The following SELENOO variants were observed in gnomAD, a reference collection of about 807,000 sequenced individuals.
SELENOO encodes selenoprotein O.
SELENOO carries 74 observed loss-of-function variants against 58.7 expected under a neutral mutation model. The observed-to-expected ratio is 1.26, with a 90% CI of 1.04 to 1.53. SELENOO has a LOEUF of 1.53. Ranked by LOEUF, SELENOO falls within the 40% of genes most tolerant of loss-of-function variation. The pLI, the probability that SELENOO is intolerant of heterozygous loss-of-function variation, is 0.00. For synonymous variants in SELENOO, 543 were observed against 453.2 expected (o/e 1.20, Z -2.52); for missense variants, 1,149 against 970.0 (o/e 1.18, Z -2.45).
At chr22:50,210,964 A>G in intron 5 of SELENOO, 53 bp downstream of exon 5, 16 of 1,599,724 alleles carry the variant, frequency 1.0e-5, no homozygotes, top group Non-Finnish European at 1.3e-5. Flanking sequence ...TGTTGTGCTT[A>G]GAGATGGTTT....
At chr22:50,201,696 G>A in intron 1 of SELENOO, 106 bp downstream of exon 1, 1 of 822,510 alleles carries the variant, frequency 1.2e-6, no homozygotes, top group Non-Finnish European at 1.6e-6. Context: ...TGCCAAGTGG[G>A]GCCTCCCCTG....
At position 50,201,461 on chromosome 22, in the gene SELENOO, G is replaced by A; in HGVS notation, c.425G>A (p.Gly142Asp). 4 of 1,420,394 alleles carry A rather than the reference G, an allele frequency of 2.8e-6. No individual in the cohort carries two copies. The highest frequency in any genetic ancestry group is 2.8e-6 in the Non-Finnish European group (3 of 1,084,404). The allele number at this position is 1,420,394 out of a possible 1,614,324, so 88.0% of individuals were successfully genotyped here. Residue 142 changes from glycine to aspartate, a missense_variant, in exon 1 of 9, where the codon GGC becomes GAC. By Grantham distance (94) the Gly-to-Asp change is moderately conservative. Coordinates refer to ENST00000380903, the MANE Select transcript of SELENOO (RefSeq NM_031454.2). ...GAGCCCGCCGCGCACTGCTACTGCG[G>A]CCACCAATTCGGCCAGTTCGCCGGG... ...GAEPAAHCYC[G>D]HQFGQFAGQL...
rs1569106097 is a variant in SELENOO at position 50,217,112 on chromosome 22, GC to G, written c.1830del (p.Asp612ThrfsTer9). 1 of 1,612,948 alleles carries G rather than the reference GC, an allele frequency of 6.2e-7. No individual in the cohort carries two copies. Among genetic ancestry groups the G allele is most frequent in the South Asian group, 1.1e-5 (1 of 91,076 alleles). ...IAQNAIEAAE[R>X]GDFSEVRRVL... ...CAGAATGCCATCGAGGCTGCCGAGC[GC>G]GGGGACTTCTCAGAGGCAAGCACAC... On this transcript the variant is annotated frameshift_variant, in exon 8 of 9. Transcript: ENST00000380903. LOFTEE classifies it low-confidence loss of function (END_TRUNC).
chr22:50,206,291 G>T, intron 1 of SELENOO, 26 bp from the exon 2 acceptor site: 11 of 1,608,484 alleles, frequency 6.8e-6, no homozygotes, highest in Non-Finnish European at 8.5e-6. Context: ...ACCGGCCCAC[G>T]TAGTGAACTC....
intron 7 of SELENOO, 29 bp downstream of exon 7, chr22:50,216,905 G>A: frequency 3.1e-6 from 5 of 1,602,834 alleles, no homozygotes; most frequent in Non-Finnish European, 2.5e-6. Flanking sequence ...GTCACCGGGG[G>A]ACGGCGGGTC....
chr22:50,215,903 C>T (rs764804531), intron 6 of SELENOO, 36 bp downstream of exon 6: 3 of 1,553,462 alleles, frequency 1.9e-6, no homozygotes, highest in Non-Finnish European at 2.6e-6. Context: ...GGATTTGTTT[C>T]CAGAAAAGGA....
Position 50,201,367 on chromosome 22 carries a change from C to A in SELENOO, c.331C>A (p.Pro111Thr). The stretch of plus-strand genomic sequence containing the variant: ...GCTGGCGTTGCTGGGCCTGGGCGCG[C>A]CGCCCGCGCGCGAGGCCGAGGCCGA... ...PALALLGLGA[P>T]PAREAEAEAA... The change falls in exon 1 of 9, where the codon CCG (proline) becomes ACG (threonine). Residue 111 changes from proline (P) to threonine (T), a missense_variant. By Grantham distance (38) the Pro-to-Thr change is conservative (BLOSUM62 -1). Coordinates refer to ENST00000380903, the MANE Select transcript of SELENOO (RefSeq NM_031454.2). The A allele has an allele frequency of 1.7e-6, 2 of 1,209,228 alleles. No individual in the cohort carries two copies. Among genetic ancestry groups the A allele is most frequent in the Non-Finnish European group, 2.1e-6 (2 of 974,560 alleles). 74.9% of individuals were successfully genotyped at this position (1,209,228 alleles called of 1,614,324 possible).
At position 50,217,561 on chromosome 22, in the gene SELENOO, A is replaced by C. The variant is rs1040261734; in HGVS notation, c.*192A>C. 3.3e-5 allele frequency: 31 copies of C among 949,836 alleles called. No individual in the cohort carries two copies. Among genetic ancestry groups the C allele is most frequent in the Non-Finnish European group, 4.6e-5 (30 of 645,708 alleles). 58.8% of individuals were successfully genotyped at this position (949,836 alleles called of 1,614,324 possible). ...CTGTCTGAGGCCGGCTCAGCAGTGC[A>C]GCCTGGTCCCTGGGGGCTGGACCCA... is the stretch of plus-strand genomic sequence containing the variant. On this transcript the variant is annotated 3_prime_UTR_variant, in exon 9 of 9. Transcript: ENST00000380903.
chr22:50,210,944 C>G, intron 5 of SELENOO, 33 bp downstream of exon 5: 1 of 1,611,578 alleles, frequency 6.2e-7, no homozygotes, highest in Non-Finnish European at 8.5e-7. Context: ...CAGCAAGGCG[C>G]CTCCCGTGCT....
Position 50,217,029 on chromosome 22 carries a change from G to T in SELENOO, c.1746G>T (p.Glu582Asp). 1 of 1,612,130 alleles carries T rather than the reference G, an allele frequency of 6.2e-7. No homozygotes were observed. The highest frequency in any genetic ancestry group is 2.2e-5 in the East Asian group (1 of 44,872). ...GGGACGCTGCCGCCTGGCAGGCTGAGCACGTGCGCGTGATGCACGCCAACA... is the reference window on the plus strand; with the variant it reads ...GGGACGCTGCCGCCTGGCAGGCTGATCACGTGCGCGTGATGCACGCCAACA... ...GAGDAAAWQA[E>D]HVRVMHANNP... Residue 582 changes from glutamate to aspartate, a missense_variant, in exon 8 of 9, where the codon GAG becomes GAT. By Grantham distance (45) the Glu-to-Asp change is conservative (BLOSUM62 2). Transcript: ENST00000380903.
intron 5 of SELENOO, among the ~76,000 whole-genome samples, chr22:50,212,963 T>C (rs1308467758): frequency 6.6e-6 from 1 of 152,254 alleles, no homozygotes; most frequent in African/African-American, 2.4e-5. Context: ...AGGCGTGAGT[T>C]GAGGTAACTG....
In SELENOO at chr22:50,210,905, C is replaced by T; in HGVS notation, c.1345C>T (p.Leu449=). Residue 449 remains leucine (L), a synonymous_variant, in exon 5 of 9, where the codon CTG becomes TTG. Coordinates refer to ENST00000380903, the MANE Select transcript of SELENOO (RefSeq NM_031454.2). The stretch of plus-strand genomic sequence containing the variant: ...GTCCAAGCTCCTGGAGACCATGCAT[C>T]TGACCGGTGAGTGACCCAGCCGTGC... The part of the protein sequence containing the change: ...LVSKLLETMH[L]TGADFTNTFY... The T allele has an allele frequency of 6.2e-7, 1 of 1,614,042 alleles. No individual in the cohort carries two copies. Among genetic ancestry groups the T allele is most frequent in the Non-Finnish European group, 8.5e-7 (1 of 1,180,026 alleles).
At chr22:50,203,410 A>G (rs757672226) in intron 1 of SELENOO, among the ~76,000 whole-genome samples, 1 of 152,130 alleles carries the variant, frequency 6.6e-6, no homozygotes, top group Non-Finnish European at 1.5e-5. Context: ...ATCTCAAGGG[A>G]CCCTGAATGG....
Position 50,202,125 on chromosome 22 carries a change from C to T in SELENOO, c.554+535C>T, listed in dbSNP as rs1450325220. Among the ~76,000 whole-genome samples, 3 of 152,276 alleles carry T rather than the reference C, an allele frequency of 2.0e-5. No individual in the cohort carries two copies. In the East Asian group the frequency reaches 5.8e-4, roughly 29 times the overall value. On this transcript the variant is annotated intron_variant, in intron 1 of 8. Transcript: ENST00000380903. ...GAGCCGTGCACGCGCCACCTGCCTC[C>T]TGTGTATAGACAGCGCTTGGGTCTG...
chr22:50,214,129 T>C (rs1018493776), intron 5 of SELENOO, among the ~76,000 whole-genome samples: 2 of 152,056 alleles, frequency 1.3e-5, no homozygotes, highest in African/African-American at 4.8e-5. Flanking sequence ...CCATATATAA[T>C]GCTGTCTCTT....
chr22:50,203,183 G>A (rs2064313694), intron 1 of SELENOO, among the ~76,000 whole-genome samples: 1 of 152,160 alleles, frequency 6.6e-6, no homozygotes, highest in African/African-American at 2.4e-5. Context: ...AGACCAGCCT[G>A]GGAAACAGCA....
In SELENOO at chr22:50,210,687, G is replaced by C; in HGVS notation, c.1127G>C (p.Ser376Thr). ...ASDNTGRYAY[S>T]KQPEVCRWNL... ...GACAACACCGGCCGCTACGCGTACAGCAAGCAGCCCGAGGTGTGCAGGTGG... is the reference window on the plus strand; with the variant it reads ...GACAACACCGGCCGCTACGCGTACACCAAGCAGCCCGAGGTGTGCAGGTGG... The change falls in exon 5 of 9, where the codon AGC (serine) becomes ACC (threonine). Residue 376 changes from serine (S) to threonine (T), a missense_variant. Transcript: ENST00000380903. 3.1e-6 allele frequency: 5 copies of C among 1,613,326 alleles called. No homozygotes were observed. The highest frequency in any genetic ancestry group is 4.2e-6 in the Non-Finnish European group (5 of 1,179,996).
At chr22:50,207,861 C>T (rs1395118759) in intron 2 of SELENOO, among the ~76,000 whole-genome samples, 2 of 138,940 alleles carry the variant, frequency 1.4e-5, no homozygotes, top group Non-Finnish European at 1.5e-5. Context: ...TCCCCGAGGA[C>T]GCAGTGGCAG....
rs1410297133 is a variant in SELENOO at position 50,210,729 on chromosome 22, C to G, written c.1169C>G (p.Ala390Gly). 1 of 1,613,484 alleles carries G rather than the reference C, an allele frequency of 6.2e-7. No individual in the cohort carries two copies. The highest frequency in any genetic ancestry group is 1.7e-5 in the Admixed American group (1 of 60,024). ...TGCAGGTGGAACCTGCGGAAGCTGGCCGAGGCCCTGCAGCCGGAACTGCCC... is the reference window on the plus strand; with the variant it reads ...TGCAGGTGGAACCTGCGGAAGCTGGGCGAGGCCCTGCAGCCGGAACTGCCC... ...EVCRWNLRKL[A>G]EALQPELPLE... Residue 390 changes from alanine (A) to glycine (G), a missense_variant, in exon 5 of 9, where the codon GCC becomes GGC. Coordinates refer to ENST00000380903, the MANE Select transcript of SELENOO (RefSeq NM_031454.2).
Sources: allele counts gnomAD v4.1 joint callset (sites outside exome capture counted in the v4.1 genomes callset), GRCh38; gene constraint gnomAD v4.1.1; transcripts MANE v1.5; gene names NCBI Gene and HGNC (gene_info 2026-07-23, HGNC 2026-07-21).